BICD1: variants seen among roughly 807,000 people sequenced by gnomAD.
BICD1 encodes protein bicaudal D homolog 1.
Under a neutral mutation model 92.5 loss-of-function variants are expected in BICD1, and 35 were observed. The ratio of observed to expected loss-of-function variants is 0.38; its 90% CI spans 0.29 to 0.50. The LOEUF (loss-of-function observed/expected upper bound fraction) is 0.50. BICD1 is among the 20% of genes least tolerant of loss of function. The probability of loss-of-function intolerance (pLI) is 0.93; values close to 1 mark genes in which losing one functional copy is unlikely to be tolerated. For missense variants in BICD1, 950 were observed against 1,189.8 expected (o/e 0.80, Z 2.97); for synonymous variants, 429 against 465.1 (o/e 0.92, Z 1.00).
chr12:32,324,556 C>G (rs1035242496), intron 4 of BICD1, among the ~76,000 whole-genome samples: 1 of 129,610 alleles, frequency 7.7e-6, no homozygotes, highest in African/African-American at 3.0e-5. Context: ...TTTGCAACTA[C>G]TGTACTGTAC....
At chr12:32,152,256 C>CG (rs1943310383) in intron 1 of BICD1, among the ~76,000 whole-genome samples, 1 of 146,074 alleles carries the variant, frequency 6.8e-6, no homozygotes, top group Non-Finnish European at 1.5e-5. Context: ...TTTTTTTTAA[C>CG]TTTTTTTTTT....
chr12:32,227,478 T>G (rs904162720), intron 2 of BICD1: 1 of 152,388 alleles, frequency 6.6e-6, no homozygotes, highest in African/African-American at 2.4e-5. Context: ...AGGTGTTGTG[T>G]GGGTTGCCTG....
intron 3 of BICD1, among the ~76,000 whole-genome samples, chr12:32,295,211 T>C (rs2136196194): frequency 6.6e-6 from 1 of 152,308 alleles, no homozygotes; most frequent in South Asian, 2.1e-4. Context: ...TTAATTTTCC[T>C]GATTGGTTTG....
chr12:32,221,354 A>AT (rs1565597175), intron 2 of BICD1, among the ~76,000 whole-genome samples: 14 of 122,834 alleles, frequency 1.1e-4, no homozygotes, highest in East Asian at 3.1e-4. Context: ...ACAAAAAATA[A>AT]AAAAATAAAT....
At chr12:32,368,618 C>T (rs1366955694) in intron 9 of BICD1, among the ~76,000 whole-genome samples, 3 of 152,044 alleles carry the variant, frequency 2.0e-5, no homozygotes, top group African/African-American at 7.2e-5. Context: ...TCACTTGAAC[C>T]CAGGAGGTGG....
At chr12:32,219,648 T>C (rs1014649232) in intron 2 of BICD1, among the ~76,000 whole-genome samples, 3 of 152,188 alleles carry the variant, frequency 2.0e-5, no homozygotes, top group Non-Finnish European at 4.4e-5. Context: ...ATTCTTTCTC[T>C]TGTGATATGA....
chr12:32,319,945 G>T (rs1948605342), intron 4 of BICD1, among the ~76,000 whole-genome samples: 2 of 152,080 alleles, frequency 1.3e-5, no homozygotes, highest in Non-Finnish European at 2.9e-5. Flanking sequence ...ACTGACTTTT[G>T]TGTGTTAGTG....
intron 4 of BICD1, among the ~76,000 whole-genome samples, chr12:32,322,997 A>G (rs792867): frequency 0.58 from 87,565 of 152,060 alleles, 25,683 homozygotes; most frequent in Middle Eastern, 0.68. Flanking sequence ...AAAGGAAAAA[A>G]GGAAAACAAA....
Position 32,251,996 on chromosome 12 carries a change from T to TTATAATACATATTTATAATATTATATATG in BICD1, c.426+35544_426+35545insCATATTTATAATATTATATATGTATAATA, listed in dbSNP as rs368936538. Among the ~76,000 whole-genome samples the TTATAATACATATTTATAATATTATATATG allele has an allele frequency of 4.7e-5, 6 of 127,330 alleles. 1 individual carries two copies. Among genetic ancestry groups the TTATAATACATATTTATAATATTATATATG allele is most frequent in the Non-Finnish European group, 6.4e-5 (4 of 62,258 alleles). 83.5% of individuals were successfully genotyped at this position (127,330 alleles called of 152,430 possible). ...CTTTACCACTATATATATAATATAT[T>TTATAATACATATTTATAATATTATATATG]TATAATATATATTTATAATAAATAT... On this transcript the variant is annotated intron_variant, in intron 2 of 9. Transcript: ENST00000652176.
intron 2 of BICD1, among the ~76,000 whole-genome samples, chr12:32,246,976 G>T (rs1160930734): frequency 6.6e-6 from 1 of 152,094 alleles, no homozygotes; most frequent in Non-Finnish European, 1.5e-5. Context: ...TGCCTGTTAT[G>T]GTCAGGCACC....
At chr12:32,291,363 C>T (rs1216032450) in intron 2 of BICD1, among the ~76,000 whole-genome samples, 1 of 151,730 alleles carries the variant, frequency 6.6e-6, no homozygotes, top group African/African-American at 2.4e-5. Flanking sequence ...ATGGCGAGAC[C>T]CCACCTCTAT....
intron 1 of BICD1, among the ~76,000 whole-genome samples, chr12:32,158,549 A>C (rs1386796535): frequency 6.6e-6 from 1 of 152,262 alleles, no homozygotes; most frequent in East Asian, 1.9e-4. Context: ...GGAAACACTC[A>C]ACAAATATTA....
chr12:32,252,362 A>T (rs1046612606), intron 2 of BICD1, among the ~76,000 whole-genome samples: 2 of 151,348 alleles, frequency 1.3e-5, no homozygotes, highest in Admixed American at 1.3e-4. Flanking sequence ...CAAAGATGTG[A>T]CTTCAATACC....
intron 3 of BICD1, among the ~76,000 whole-genome samples, chr12:32,302,596 C>A (rs1453215016): frequency 1.3e-5 from 2 of 152,172 alleles, no homozygotes; most frequent in African/African-American, 4.8e-5. Flanking sequence ...GCCCAGTTAT[C>A]ATTTTTCCCA....
intron 1 of BICD1, among the ~76,000 whole-genome samples, chr12:32,211,550 G>A (rs1322713562): frequency 6.6e-6 from 1 of 152,154 alleles, no homozygotes; most frequent in Non-Finnish European, 1.5e-5. Context: ...TTTAGGGGTT[G>A]TTTTAGCTGC....
intron 1 of BICD1, among the ~76,000 whole-genome samples, chr12:32,199,589 T>C (rs1944844400): frequency 6.6e-6 from 1 of 152,182 alleles, no homozygotes; most frequent in Non-Finnish European, 1.5e-5. Flanking sequence ...TTATATACCT[T>C]CTAAGCTATA....
chr12:32,327,360 C>CT, intron 4 of BICD1, 101 bp from the exon 5 acceptor site: 1 of 1,360,236 alleles, frequency 7.4e-7, no homozygotes, highest in South Asian at 1.6e-5. Context: ...ATTGGCTCTG[C>CT]TGCAGTGATT....
intron 5 of BICD1, among the ~76,000 whole-genome samples, chr12:32,331,611 A>AT (rs1937876147): frequency 6.6e-6 from 1 of 152,054 alleles, no homozygotes; most frequent in Non-Finnish European, 1.5e-5. Flanking sequence ...ATTTTATACA[A>AT]TTTTTTTAAT....
chr12:32,350,409 G>C (rs545020993), intron 8 of BICD1, among the ~76,000 whole-genome samples: 1 of 152,146 alleles, frequency 6.6e-6, no homozygotes, highest in East Asian at 1.9e-4. Context: ...CCCAGGAGGT[G>C]GGGGCTGCAG....
Sources: gnomAD v4.1 joint callset for allele counts (sites outside exome capture counted in the v4.1 genomes callset) on GRCh38, gnomAD v4.1.1 for gene constraint, MANE v1.5 for transcripts, NCBI Gene and HGNC (gene_info 2026-07-23, HGNC 2026-07-21) for gene names.